The following EDEM3 variants were observed in gnomAD, a reference collection of about 807,000 sequenced individuals.
The protein encoded by EDEM3 is ER degradation enhancing alpha-mannosidase like protein 3.
EDEM3 carries 60 observed loss-of-function variants against 110.2 expected under a neutral mutation model. The ratio of observed to expected loss-of-function variants is 0.54; its 90% confidence interval spans 0.44 to 0.67. The LOEUF (loss-of-function observed/expected upper bound fraction) is 0.67, where lower values mean the gene tolerates loss of function less well. Among genes scored for constraint, EDEM3 ranks in the 30% least tolerant of loss-of-function variants. The probability of loss-of-function intolerance (pLI) is 0.00; values close to 1 mark genes in which losing one functional copy is unlikely to be tolerated. For synonymous variants in EDEM3, 352 were observed against 382.9 expected, an observed-to-expected ratio of 0.92 and a Z score of 0.94; for missense variants, 996 against 1,121.0, an observed-to-expected ratio of 0.89 and a Z score of 1.59.
chr1:184,693,928 G>T lies in EDEM3; in HGVS notation c.*135C>A. 1 of 850,106 alleles carries T rather than the reference G, an allele frequency of 1.2e-6. No individual in the cohort carries two copies. The highest frequency in any genetic ancestry group is 1.8e-6 in the Non-Finnish European group (1 of 559,100). The allele number at this position is 850,106 out of a possible 1,614,324, so 52.7% of individuals were successfully genotyped here. ...TGCTCCAGATTCCTACGATAACTACGCCAGTCAGAACGTGGTTGTTCATCA... is the reference window on the plus strand; with the variant it reads ...TGCTCCAGATTCCTACGATAACTACTCCAGTCAGAACGTGGTTGTTCATCA... On this transcript the variant is annotated 3_prime_UTR_variant, in exon 20 of 20. Transcript: ENST00000318130.
chr1:184,744,249 A>AATATATATATATAT (rs55959890), intron 2 of EDEM3, among the ~76,000 whole-genome samples: 2 of 87,594 alleles, frequency 2.3e-5, no homozygotes, highest in Non-Finnish European at 4.5e-5. Flanking sequence ...ACAAATGACA[A>AATATATATATATAT]ATATATATAT....
At position 184,690,853 on chromosome 1, in the gene EDEM3, G is replaced by T. The variant is rs1398925055; in HGVS notation, c.*3210C>A. On this transcript the variant is annotated 3_prime_UTR_variant, in exon 20 of 20. Transcript: ENST00000318130. ...GCCTTGTGCATAAAACGACCGGCTG[G>T]AATATTTACTAAATTCTACCCCCCT... The T allele has an allele frequency of 1.3e-5, 2 of 152,316 alleles. No homozygotes were observed. Among genetic ancestry groups the T allele is most frequent in the African/African-American group, 4.8e-5 (2 of 41,362 alleles). 9.4% of individuals were successfully genotyped at this position (152,316 alleles called of 1,614,324 possible). A position where few individuals can be genotyped will look rare whatever the true frequency, so the allele number is the denominator to read the frequency against.
intron 15 of EDEM3, among the ~76,000 whole-genome samples, chr1:184,711,029 C>T (rs1650197532): frequency 6.6e-6 from 1 of 152,116 alleles, no homozygotes; most frequent in Admixed American, 6.6e-5. Flanking sequence ...TAAGTACTCC[C>T]TCAAAAAATC....
At chr1:184,718,954 C>A (rs1220349597) in intron 11 of EDEM3, among the ~76,000 whole-genome samples, 1 of 152,020 alleles carries the variant, frequency 6.6e-6, no homozygotes, top group Non-Finnish European at 1.5e-5. Flanking sequence ...AATCAGACTT[C>A]TCTTAACACA....
chr1:184,731,056 C>A (rs1289205851), intron 6 of EDEM3, among the ~76,000 whole-genome samples: 1 of 151,932 alleles, frequency 6.6e-6, no homozygotes, highest in African/African-American at 2.4e-5. Flanking sequence ...GATAATTTGA[C>A]AAAAATTAGA....
At chr1:184,740,747 A>G (rs928240997) in intron 2 of EDEM3, among the ~76,000 whole-genome samples, 15 of 152,236 alleles carry the variant, frequency 9.9e-5, no homozygotes, top group Non-Finnish European at 2.9e-5. Context: ...ATTTTAGCTG[A>G]CCATGGGAAT....
chr1:184,729,815 A>G (rs531160612), intron 6 of EDEM3, among the ~76,000 whole-genome samples: 1 of 151,698 alleles, frequency 6.6e-6, no homozygotes, highest in East Asian at 1.9e-4. Flanking sequence ...CGCTCATAGT[A>G]TCTTCTGTTT....
chr1:184,754,173 C>G (rs1348763452), intron 1 of EDEM3, among the ~76,000 whole-genome samples: 1 of 152,226 alleles, frequency 6.6e-6, no homozygotes, highest in Non-Finnish European at 1.5e-5. Context: ...AGAACTCCAG[C>G]GCGCAGCGAT....
intron 6 of EDEM3, among the ~76,000 whole-genome samples, chr1:184,730,332 A>G (rs986514920): frequency 7.2e-5 from 11 of 152,164 alleles, no homozygotes; most frequent in Non-Finnish European, 8.8e-5. Flanking sequence ...CTGTGAGTCC[A>G]GTACTTCAGA....
intron 7 of EDEM3, 24 bp downstream of exon 7, chr1:184,726,231 T>C (rs1371505171): frequency 4.3e-6 from 7 of 1,611,240 alleles, no homozygotes; most frequent in South Asian, 3.3e-5. Flanking sequence ...ATACCCAGGA[T>C]ATCAAAGACC....
intron 19 of EDEM3, among the ~76,000 whole-genome samples, chr1:184,699,309 A>C (rs888573793): frequency 1.3e-5 from 2 of 151,804 alleles, no homozygotes; most frequent in Non-Finnish European, 2.9e-5. Context: ...GACACCCTTA[A>C]ATTTTACCTA....
Position 184,694,366 on chromosome 1 carries a change from T to C in EDEM3, c.2496A>G (p.Gln832=), listed in dbSNP as rs1249413438. ...SSSQEVDLVD[Q]ESSEENSLNS... ...TTAGAGAATTTTCCTCAGAAGACTC[T>C]TGATCAACCAAATCAACCTCCTGAG... The change falls in exon 20 of 20, where the codon CAA becomes CAG. Residue 832 remains glutamine (Q), a synonymous_variant. Transcript: ENST00000318130. 6.2e-7 allele frequency: 1 copy of C among 1,612,558 alleles called. No individual in the cohort carries two copies. Among genetic ancestry groups the C allele is most frequent in the Non-Finnish European group, 8.5e-7 (1 of 1,179,550 alleles).
chr1:184,712,500 G>T lies in EDEM3; in HGVS notation c.1469C>A (p.Thr490Lys). The change falls in exon 14 of 20, where the codon ACA becomes AAA. Residue 490 changes from threonine (T) to lysine (K), a missense_variant. Coordinates refer to ENST00000318130, the MANE Select transcript of EDEM3 (RefSeq NM_025191.4). Reference protein sequence around the residue: ...IIFDIEDYIFTTEAHLLPLWL... With the variant: ...IIFDIEDYIFKTEAHLLPLWL... ...AAGAGGTAACAGATGAGCTTCTGTT[G>T]TAAAGATGTAATCTTCTATGTCAAA... 5 of 1,606,132 alleles carry T rather than the reference G, an allele frequency of 3.1e-6. No individual in the cohort carries two copies. Among genetic ancestry groups the T allele is most frequent in the South Asian group, 1.1e-5 (1 of 89,176 alleles).
chr1:184,702,428 C>G (rs1649676637), intron 19 of EDEM3, among the ~76,000 whole-genome samples: 1 of 152,038 alleles, frequency 6.6e-6, no homozygotes, highest in African/African-American at 2.4e-5. Flanking sequence ...ATACAACATT[C>G]TATATATGTC....
At chr1:184,725,233 C>G (rs1024015363) in intron 7 of EDEM3, among the ~76,000 whole-genome samples, 1 of 152,082 alleles carries the variant, frequency 6.6e-6, no homozygotes, top group African/African-American at 2.4e-5. Context: ...AAATAGCCCA[C>G]TGGAAAGAGT....
rs554360815 is a variant in EDEM3, at chr1:184,692,733, A to G, written c.*1330T>C. 14 of 151,644 alleles carry G rather than the reference A, an allele frequency of 9.2e-5. No homozygotes were observed. Among genetic ancestry groups the G allele is most frequent in the Admixed American group, 5.3e-4 (8 of 15,228 alleles). 9.4% of individuals were successfully genotyped at this position (151,644 alleles called of 1,614,324 possible). A position where few individuals can be genotyped will look rare whatever the true frequency, so the allele number is the denominator to read the frequency against. ...TACAAACATCAACAACAAAATTTAA[A>G]AATTTTTAAGACTTAAATGTGGCCA... On this transcript the variant is annotated 3_prime_UTR_variant, in exon 20 of 20. Transcript: ENST00000318130.
At chr1:184,704,222 C>T (rs989430797) in intron 18 of EDEM3, among the ~76,000 whole-genome samples, 3 of 152,020 alleles carry the variant, frequency 2.0e-5, no homozygotes, top group Non-Finnish European at 4.4e-5. Context: ...TAAGATAATT[C>T]GTATTTCTAA....
At chr1:184,721,853 A>T (rs183181687) in intron 8 of EDEM3, among the ~76,000 whole-genome samples, 9 of 152,144 alleles carry the variant, frequency 5.9e-5, no homozygotes, top group African/African-American at 2.2e-4. Context: ...CAGTAAAAAA[A>T]AAATGATAGG....
chr1:184,716,900 C>T lies in EDEM3; in HGVS notation c.1358G>A (p.Ser453Asn). 1.2e-6 allele frequency: 2 copies of T among 1,613,320 alleles called. No individual in the cohort carries two copies. The highest frequency in any genetic ancestry group is 1.7e-6 in the Non-Finnish European group (2 of 1,179,388). Residue 453 changes from serine (S) to asparagine (N), a missense_variant, in exon 13 of 20, where the codon AGT (serine) becomes AAT (asparagine). Around this residue, in one of 5 missense-constraint regions of EDEM3, gnomAD observed 310 missense variants for 394.6 expected, o/e 0.79. Coordinates refer to ENST00000318130, the MANE Select transcript of EDEM3 (RefSeq NM_025191.4). ...GCAATTGTTTTACCTGTCCTCATGA[C>T]TTCCAGTACGAACATCCTTCATGGC... The part of the protein sequence containing the change: ...FAAMKDVRTG[S>N]HEDRMDSFFL...
Sources: gnomAD v4.1 joint callset for allele counts (sites outside exome capture counted in the v4.1 genomes callset) on GRCh38, gnomAD v4.1.1 for gene constraint, gnomAD v4.1.1 regional missense constraint, MANE v1.5 for transcripts, NCBI Gene and HGNC (gene_info 2026-07-23, HGNC 2026-07-21) for gene names.